FHOD3: variants seen among roughly 807,000 people sequenced by gnomAD.
FHOD3 encodes the protein FH1/FH2 domain-containing protein 3.
FHOD3 carries 90 observed loss-of-function variants against 173.0 expected under a neutral mutation model. The ratio of observed to expected loss-of-function variants is 0.52; its 90% CI spans 0.44 to 0.62. FHOD3 has a LOEUF of 0.62. Among genes scored for constraint, FHOD3 ranks in the 20% least tolerant of loss-of-function variants. The pLI, the probability that FHOD3 is intolerant of heterozygous loss-of-function variation, is 0.00. For missense variants in FHOD3, 1,945 were observed against 2,034.7 expected (o/e 0.96, Z 0.85); for synonymous variants, 828 against 823.0 (o/e 1.01, Z -0.10).
intron 27 of FHOD3, among the ~76,000 whole-genome samples, chr18:36,765,569 A>C (rs1353858901): frequency 3.3e-5 from 5 of 152,246 alleles, no homozygotes; most frequent in Non-Finnish European, 1.5e-5. Flanking sequence ...TATAAATGTT[A>C]AAATAAAAAC....
chr18:36,665,926 C>T (rs1459052703), intron 14 of FHOD3, among the ~76,000 whole-genome samples: 1 of 152,152 alleles, frequency 6.6e-6, no homozygotes, highest in African/African-American at 2.4e-5. Flanking sequence ...GACTGACCTC[C>T]TTTGGGCCGG....
chr18:36,709,053 G>A lies in FHOD3; in HGVS notation c.2237-42G>A. 1.9e-6 allele frequency: 3 copies of A among 1,587,546 alleles called. No homozygotes were observed. In the East Asian group the frequency reaches 6.8e-5, roughly 36 times the overall value. On this transcript the variant is annotated intron_variant, in intron 17 of 28. Coordinates refer to ENST00000590592, the MANE Select transcript of FHOD3 (RefSeq NM_001281740.3). ...TTCTCACCTCACTTCACCCTTCCAA[G>A]AAATCTGTCGTCAATATAATCTCCA...
At position 36,614,840 on chromosome 18, in the gene FHOD3, ATTTTT is replaced by A. The variant is rs751719654; in HGVS notation, c.957+2767_957+2771del. ...CGATCCTTTGCTCATTTTTTAATTG[ATTTTT>A]TTTTTTTTTTTTTTTTTTTTTGAGA... On this transcript the variant is annotated intron_variant, in intron 9 of 28. Transcript: ENST00000590592. Among the ~76,000 whole-genome samples, 404 of 86,176 alleles carry A rather than the reference ATTTTT, an allele frequency of 4.7e-3. 2 individuals are homozygous for A. Among genetic ancestry groups the A allele is most frequent in the African/African-American group, 9.8e-3 (206 of 20,936 alleles). The allele number at this position is 86,176 out of a possible 152,430, so 56.5% of individuals were successfully genotyped here.
chr18:36,561,456 A>G (rs1373917228), intron 5 of FHOD3, among the ~76,000 whole-genome samples: 2 of 152,188 alleles, frequency 1.3e-5, no homozygotes, highest in African/African-American at 2.4e-5. Context: ...CACACGTCCA[A>G]GTCAGGAGGC....
chr18:36,385,077 C>A (rs1476870155), intron 3 of FHOD3, among the ~76,000 whole-genome samples: 2 of 152,164 alleles, frequency 1.3e-5, no homozygotes, highest in African/African-American at 4.8e-5. Flanking sequence ...GCCTCCAATT[C>A]TTGAAGGAGC....
rs1599277741 is a variant in FHOD3 at position 36,473,209 on chromosome 18, T to A, written c.338-28723T>A. Among the ~76,000 whole-genome samples, 4 of 152,230 alleles carry A rather than the reference T, an allele frequency of 2.6e-5. No homozygotes were observed. In the East Asian group the frequency reaches 7.7e-4, roughly 29 times the overall value. On this transcript the variant is annotated intron_variant, in intron 3 of 28. Transcript: ENST00000590592. ...GCTGGCAGTCACCTGAGGTCAGGAG[T>A]TCGAGACCAGCCTGGCCAACATGGT...
At chr18:36,387,463 A>G (rs149417420) in intron 3 of FHOD3, among the ~76,000 whole-genome samples, 1 of 152,276 alleles carries the variant, frequency 6.6e-6, no homozygotes, top group Non-Finnish European at 1.5e-5. Flanking sequence ...ACTATCATTT[A>G]TGTTACTGTA....
chr18:36,466,411 C>T (rs374335281), intron 3 of FHOD3, among the ~76,000 whole-genome samples: 14 of 152,240 alleles, frequency 9.2e-5, no homozygotes, highest in Admixed American at 4.6e-4. Context: ...CTGACCTCCT[C>T]CATGGCTTGA....
At chr18:36,723,026 C>T (rs958481046) in intron 19 of FHOD3, among the ~76,000 whole-genome samples, 15 of 152,186 alleles carry the variant, frequency 9.9e-5, no homozygotes, top group African/African-American at 3.6e-4. Flanking sequence ...CCAGACACTT[C>T]TGGTGTGTGC....
rs146099440 is a variant in FHOD3, at chr18:36,588,306, A to G, written c.607-6481A>G. On this transcript the variant is annotated intron_variant, in intron 6 of 28. Transcript: ENST00000590592. Reference sequence around the variant, plus strand: ...GGCATTGAGATACAATGTTTAAATAAAGAGTTTGTATCCTAAGTCACTTGA... The same window carrying G: ...GGCATTGAGATACAATGTTTAAATAGAGAGTTTGTATCCTAAGTCACTTGA... Among the ~76,000 whole-genome samples, 327 of 152,278 alleles carry G rather than the reference A, an allele frequency of 2.1e-3. 1 individual carries two copies. The highest frequency in any genetic ancestry group is 7.7e-3 in the South Asian group (37 of 4,822).
intron 14 of FHOD3, among the ~76,000 whole-genome samples, chr18:36,658,593 C>T (rs2036576682): frequency 6.6e-6 from 1 of 152,086 alleles, no homozygotes; most frequent in South Asian, 2.1e-4. Flanking sequence ...CATTAAGGTG[C>T]TGTATAATTA....
intron 23 of FHOD3, among the ~76,000 whole-genome samples, chr18:36,746,061 A>C (rs1173192169): frequency 1.3e-5 from 2 of 151,712 alleles, no homozygotes; most frequent in African/African-American, 4.8e-5. Flanking sequence ...TATTTTTTTC[A>C]TGACTAAAAA....
At chr18:36,622,312 A>G (rs954812203) in intron 9 of FHOD3, among the ~76,000 whole-genome samples, 3 of 152,226 alleles carry the variant, frequency 2.0e-5, no homozygotes, top group Non-Finnish European at 4.4e-5. Context: ...AGAATCTGAT[A>G]AAAGAATAGA....
At chr18:36,407,187 G>A (rs1473420676) in intron 3 of FHOD3, among the ~76,000 whole-genome samples, 2 of 152,192 alleles carry the variant, frequency 1.3e-5, no homozygotes, top group African/African-American at 4.8e-5. Flanking sequence ...AGAGTCACAT[G>A]TGAAGCTTTT....
intron 6 of FHOD3, among the ~76,000 whole-genome samples, chr18:36,594,380 G>T (rs894639450): frequency 1.3e-5 from 2 of 152,198 alleles, no homozygotes; most frequent in African/African-American, 4.8e-5. Flanking sequence ...TGCTGTTTCT[G>T]CTTCTTCACG....
intron 7 of FHOD3, among the ~76,000 whole-genome samples, chr18:36,595,606 T>G (rs1312230053): frequency 6.6e-6 from 1 of 152,176 alleles, no homozygotes; most frequent in Non-Finnish European, 1.5e-5. Context: ...CGGGGTTGCC[T>G]GCTCAAGGAT....
At chr18:36,771,857 T>C (rs1364671841) in intron 28 of FHOD3, among the ~76,000 whole-genome samples, 1 of 152,202 alleles carries the variant, frequency 6.6e-6, no homozygotes, top group East Asian at 1.9e-4. Context: ...TTGGAAGGTT[T>C]GGGTCAGGGA....
chr18:36,752,630 A>C (rs925497075), intron 24 of FHOD3, among the ~76,000 whole-genome samples: 10 of 152,174 alleles, frequency 6.6e-5, no homozygotes, highest in South Asian at 2.1e-4. Flanking sequence ...TCTCTTTTCA[A>C]ATGTATATCT....
chr18:36,547,684 C>T (rs931883032), intron 5 of FHOD3, among the ~76,000 whole-genome samples: 4 of 152,108 alleles, frequency 2.6e-5, no homozygotes, highest in African/African-American at 7.2e-5. Context: ...TAGAGAAATT[C>T]GGGAAGGAAC....
Sources: allele counts gnomAD v4.1 joint callset (sites outside exome capture counted in the v4.1 genomes callset), GRCh38; gene constraint gnomAD v4.1.1; transcripts MANE v1.5; gene names NCBI Gene and HGNC (gene_info 2026-07-23, HGNC 2026-07-21).